Variants in SEMA3A observed in about 807,000 individuals in gnomAD.
SEMA3A encodes semaphorin-3A.
SEMA3A carries 29 observed loss-of-function variants against 97.9 expected under a neutral mutation model. That is an observed-to-expected ratio of 0.30 (90% CI 0.22 to 0.40). The LOEUF is 0.40. Ranked by LOEUF, SEMA3A falls within the 10% of genes least tolerant of loss-of-function variation. The pLI is 1.00. For synonymous variants in SEMA3A, 321 were observed against 323.7 expected, an observed-to-expected ratio of 0.99 and a Z score of 0.09; for missense variants, 763 against 951.3, an observed-to-expected ratio of 0.80 and a Z score of 2.60.
At chr7:84,048,893 A>T (rs1457064817) in intron 5 of SEMA3A, among the ~76,000 whole-genome samples, 3 of 152,056 alleles carry the variant, frequency 2.0e-5, no homozygotes, top group African/African-American at 7.2e-5. Flanking sequence ...TAGTAAAATC[A>T]ACAACTAAAA....
chr7:84,191,868 A>G (rs1299128340), intron 1 of SEMA3A, among the ~76,000 whole-genome samples: 2 of 151,898 alleles, frequency 1.3e-5, no homozygotes, highest in Admixed American at 6.6e-5. Context: ...TCCTGAACAC[A>G]TCTATTCAAT....
intron 3 of SEMA3A, among the ~76,000 whole-genome samples, chr7:84,267,919 C>A (rs1800045851): frequency 6.6e-6 from 1 of 152,004 alleles, no homozygotes; most frequent in Non-Finnish European, 1.5e-5. Context: ...GATTAACAGC[C>A]AGCTTGGTGT....
chr7:84,388,441 G>A (rs1373870416), intron 1 of SEMA3A, among the ~76,000 whole-genome samples: 2 of 150,888 alleles, frequency 1.3e-5, no homozygotes, highest in East Asian at 1.9e-4. Flanking sequence ...TTTAGCCTAG[G>A]GATTATATGA....
Position 84,002,043 on chromosome 7 carries a change from A to T in SEMA3A, c.1364T>A (p.Val455Asp). The change falls in exon 12 of 17, where the codon GTT becomes GAT. Residue 455 changes from valine (V) to aspartate (D), a missense_variant. Around this residue, in one of 2 missense-constraint regions of SEMA3A, gnomAD observed 678 missense variants for 881.3 expected, o/e 0.77. Transcript: ENST00000265362. Reference sequence around the variant, plus strand: ...TGAAACTACTTTAAGAACGGTCCCAACATCTTTGAAAGAAAGTGGGGAGAA... The same window carrying T: ...TGAAACTACTTTAAGAACGGTCCCATCATCTTTGAAAGAAAGTGGGGAGAA... ...QYDVMFIGTD[V>D]GTVLKVVSIP... 2 of 1,596,468 alleles carry T rather than the reference A, an allele frequency of 1.3e-6. No homozygotes were observed. The highest frequency in any genetic ancestry group is 1.7e-6 in the Non-Finnish European group (2 of 1,165,906).
At chr7:84,089,948 T>G (rs1268752905) in intron 4 of SEMA3A, among the ~76,000 whole-genome samples, 1 of 151,966 alleles carries the variant, frequency 6.6e-6, no homozygotes, top group African/African-American at 2.4e-5. Flanking sequence ...TTTATAAAAT[T>G]CATTCTTAGA....
intron 5 of SEMA3A, among the ~76,000 whole-genome samples, chr7:84,051,830 T>A (rs148983840): frequency 6.7e-6 from 1 of 149,200 alleles, no homozygotes; most frequent in Non-Finnish European, 1.5e-5. Context: ...ACATTCAGTA[T>A]GATATTGGCT....
At chr7:84,401,308 G>A (rs1000215760) in intron 1 of SEMA3A, among the ~76,000 whole-genome samples, 2 of 151,958 alleles carry the variant, frequency 1.3e-5, no homozygotes, top group Non-Finnish European at 2.9e-5. Flanking sequence ...CAAAAAGTGA[G>A]AGATCTCTAC....
chr7:84,485,717 CTACTT>C (rs1351477818), intron 1 of SEMA3A, among the ~76,000 whole-genome samples: 2 of 152,108 alleles, frequency 1.3e-5, no homozygotes, highest in South Asian at 2.1e-4. Flanking sequence ...ACAATTTTCT[CTACTT>C]TACCATGCTT....
chr7:84,338,127 A>G (rs1311240555), intron 2 of SEMA3A, among the ~76,000 whole-genome samples: 2 of 151,488 alleles, frequency 1.3e-5, no homozygotes, highest in African/African-American at 4.8e-5. Flanking sequence ...TATACTGAGT[A>G]TATGTGTATA....
chr7:84,139,007 G>C (rs1197386510), intron 1 of SEMA3A, among the ~76,000 whole-genome samples: 1 of 152,014 alleles, frequency 6.6e-6, no homozygotes. Flanking sequence ...CCTAGATGTA[G>C]AGACAATTAG....
chr7:84,007,206 G>A (rs1790701613), intron 10 of SEMA3A, 147 bp downstream of exon 10: 2 of 561,858 alleles, frequency 3.6e-6, no homozygotes, highest in South Asian at 1.4e-4. Context: ...TTCAATCATG[G>A]AAAATCTTTG....
At position 84,431,956 on chromosome 7, in the gene SEMA3A, G is replaced by T. The variant is rs1804991575; in HGVS notation, c.-245-60056C>A. ...TCTCCCTCTGGTGAGTTCAGGGCAGGTTATATAAAATGAAATATATTTGTA... is the reference window on the plus strand; with the variant it reads ...TCTCCCTCTGGTGAGTTCAGGGCAGTTTATATAAAATGAAATATATTTGTA... On this transcript the variant is annotated intron_variant, in intron 1 of 3. Transcript: ENST00000424555. Among the ~76,000 whole-genome samples the T allele has an allele frequency of 3.3e-5, 5 of 152,074 alleles. No individual in the cohort carries two copies. The South Asian group carries it at 1.0e-3, about 32-fold the overall frequency.
chr7:84,267,200 C>T (rs1382871192), intron 3 of SEMA3A, among the ~76,000 whole-genome samples: 1 of 152,056 alleles, frequency 6.6e-6, no homozygotes, highest in African/African-American at 2.4e-5. Flanking sequence ...CAGTATAATA[C>T]AAATATTCCA....
intron 3 of SEMA3A, among the ~76,000 whole-genome samples, chr7:84,215,597 T>C (rs1798734839): frequency 6.6e-6 from 1 of 151,114 alleles, no homozygotes; most frequent in African/African-American, 2.5e-5. Context: ...CAGCCCTTAT[T>C]GCCATCTGCC....
At position 84,435,037 on chromosome 7, in the gene SEMA3A, G is replaced by A. The variant is rs77444192; in HGVS notation, c.-246+57423C>T. Among the ~76,000 whole-genome samples, 2,045 of 152,034 alleles carry A rather than the reference G, an allele frequency of 0.013. 92 individuals carry two copies. In the East Asian group the frequency reaches 0.16, roughly 12 times the overall value. ...ATCAGGCAAGACAAATAAATAAAAG[G>A]CATCCAAATAAAACAAGTAGTCAAA... On this transcript the variant is annotated intron_variant, in intron 1 of 3. Transcript: ENST00000424555.
At chr7:84,023,311 A>G (rs989654074) in intron 6 of SEMA3A, among the ~76,000 whole-genome samples, 1 of 152,224 alleles carries the variant, frequency 6.6e-6, no homozygotes, top group African/African-American at 2.4e-5. Flanking sequence ...CATTTTGACC[A>G]GCATTTGGCT....
intron 1 of SEMA3A, among the ~76,000 whole-genome samples, chr7:84,398,449 C>T (rs529419324): frequency 3.4e-4 from 52 of 152,020 alleles, no homozygotes; most frequent in African/African-American, 1.2e-3. Context: ...AACACATCAC[C>T]CTCCTTTCGC....
upstream of SEMA3A, among the ~76,000 whole-genome samples, chr7:84,199,008 A>G (rs1486489211): frequency 6.6e-6 from 1 of 152,306 alleles, no homozygotes; most frequent in East Asian, 1.9e-4. Context: ...CAATGTGTCT[A>G]ATTTTAAAAT....
chr7:84,060,546 TA>T lies in SEMA3A; in HGVS notation c.465del (p.Phe155LeufsTer22). On this transcript the variant is annotated frameshift_variant, in exon 5 of 17. Coordinates refer to ENST00000265362, the MANE Select transcript of SEMA3A (RefSeq NM_006080.3). LOFTEE classifies it high-confidence loss of function. ...EIGHHPEDNI[F>X]KLENSHFENG... ...TTTTCAAAATGTGAGTTCTCCAGCT[TA>T]AAAATATTGTCCTGTGGATTTAAAA... 6.3e-7 allele frequency: 1 copy of T among 1,590,280 alleles called. No homozygotes were observed. Among genetic ancestry groups the T allele is most frequent in the South Asian group, 1.2e-5 (1 of 86,000 alleles).
Sources: allele counts gnomAD v4.1 joint callset (sites outside exome capture counted in the v4.1 genomes callset), GRCh38; gene constraint gnomAD v4.1.1; regional missense constraint gnomAD v4.1.1; transcripts MANE v1.5; gene names NCBI Gene and HGNC (gene_info 2026-07-23, HGNC 2026-07-21).